Variants in AHI1 observed in about 807,000 individuals in gnomAD.
AHI1 encodes Abelson helper integration site 1, also known as jouberin.
Under a neutral mutation model 149.3 loss-of-function variants are expected in AHI1, and 123 were observed. The observed-to-expected ratio is 0.82, with a 90% CI of 0.71 to 0.96. The LOEUF (loss-of-function observed/expected upper bound fraction) is 0.96, where lower values mean the gene tolerates loss of function less well. AHI1 is among the 40% of genes least tolerant of loss of function. The pLI is 0.00. For missense variants in AHI1, 1,439 were observed against 1,422.7 expected (o/e 1.01, Z -0.18); for synonymous variants, 475 against 459.8 (o/e 1.03, Z -0.42).
At chr6:135,349,067 CT>C (rs1381506761) in intron 24 of AHI1, among the ~76,000 whole-genome samples, 2 of 152,164 alleles carry the variant, frequency 1.3e-5, no homozygotes, top group African/African-American at 4.8e-5. Context: ...AATACCTAGT[CT>C]TGAACTCCTG....
At chr6:135,350,633 A>T (rs965053229) in intron 24 of AHI1, among the ~76,000 whole-genome samples, 1 of 152,192 alleles carries the variant, frequency 6.6e-6, no homozygotes, top group Admixed American at 6.5e-5. Flanking sequence ...AAGTGTAATA[A>T]TAAAGACTAA....
intron 28 of AHI1, 82 bp from the exon 29 acceptor site, chr6:135,285,729 C>T (rs545604059): frequency 3.0e-5 from 35 of 1,166,382 alleles, no homozygotes; most frequent in Non-Finnish European, 4.4e-5. Context: ...TGTGCTCAGG[C>T]AACAGCACAG....
intron 5 of AHI1, among the ~76,000 whole-genome samples, chr6:135,487,068 G>T (rs1398470408): frequency 6.6e-6 from 1 of 152,062 alleles, no homozygotes; most frequent in Non-Finnish European, 1.5e-5. Context: ...GCCTGGTCCT[G>T]ATATTTTAAA....
intron 5 of AHI1, among the ~76,000 whole-genome samples, chr6:135,476,551 G>T (rs1227632057): frequency 1.3e-5 from 2 of 151,550 alleles, no homozygotes; most frequent in Non-Finnish European, 2.9e-5. Flanking sequence ...ACTACTTGTT[G>T]TATCAATTTC....
chr6:135,429,867 C>G lies in AHI1; in HGVS notation c.2492+15G>C. ...TCTGTGAGTACTTATCCTGTCAACACTGAAATATACTTACATCCGGAGATC... is the reference window on the plus strand; with the variant it reads ...TCTGTGAGTACTTATCCTGTCAACAGTGAAATATACTTACATCCGGAGATC... On this transcript the variant is annotated intron_variant, in intron 18 of 28. Coordinates refer to ENST00000265602, the MANE Select transcript of AHI1 (RefSeq NM_001134831.2). The G allele has an allele frequency of 7.0e-7, 1 of 1,426,044 alleles. No homozygotes were observed. Among genetic ancestry groups the G allele is most frequent in the Non-Finnish European group, 9.7e-7 (1 of 1,030,676 alleles). The allele number at this position is 1,426,044 out of a possible 1,614,324, so 88.3% of individuals were successfully genotyped here.
At chr6:135,287,735 T>G (rs1280096247) in intron 28 of AHI1, among the ~76,000 whole-genome samples, 2 of 152,346 alleles carry the variant, frequency 1.3e-5, no homozygotes, top group East Asian at 3.9e-4. Flanking sequence ...AGCAAGCTTA[T>G]GAAAACAAGT....
chr6:135,469,395 T>C (rs1437561788), intron 5 of AHI1, among the ~76,000 whole-genome samples: 1 of 152,112 alleles, frequency 6.6e-6, no homozygotes, highest in Non-Finnish European at 1.5e-5. Flanking sequence ...TCCACAGTCA[T>C]ACTGCCCAAA....
intron 9 of AHI1, 103 bp from the exon 10 acceptor site, chr6:135,456,029 C>T (rs2128078008): frequency 1.4e-6 from 1 of 708,472 alleles, no homozygotes; most frequent in East Asian, 3.2e-5. Flanking sequence ...AATGAATAGT[C>T]ATAATAATAC....
chr6:135,447,143 G>A lies in AHI1; in HGVS notation c.1644C>T (p.Arg548=). The change falls in exon 13 of 29, where the codon CGC becomes CGT. Residue 548 remains arginine, a synonymous_variant. Transcript: ENST00000265602. ...KVPDCIKPSY[R]SMMALQEEKG... ...TTTCCTCCTGAAGAGCCATCATAGA[G>A]CGGTAAGATGGCTTTATCTAAATAT... The A allele has an allele frequency of 6.3e-7, 1 of 1,575,354 alleles. No homozygotes were observed.
intron 24 of AHI1, among the ~76,000 whole-genome samples, chr6:135,344,454 T>C (rs1790862832): frequency 1.3e-5 from 2 of 151,470 alleles, no homozygotes; most frequent in South Asian, 2.1e-4. Context: ...TTATATACTA[T>C]ATGCCTGGTA....
chr6:135,401,480 C>T (rs1353234408), intron 22 of AHI1, among the ~76,000 whole-genome samples: 2 of 152,082 alleles, frequency 1.3e-5, no homozygotes, highest in Non-Finnish European at 2.9e-5. Context: ...ATGTAACGGA[C>T]ACTTGGGAAA....
chr6:135,287,589 G>T (rs1430598263), intron 28 of AHI1, among the ~76,000 whole-genome samples: 1 of 152,156 alleles, frequency 6.6e-6, no homozygotes, highest in African/African-American at 2.4e-5. Flanking sequence ...CTAACCAAAA[G>T]ACAAGGATAA....
intron 24 of AHI1, among the ~76,000 whole-genome samples, chr6:135,336,145 T>G (rs912500567): frequency 6.6e-6 from 1 of 151,536 alleles, no homozygotes; most frequent in Admixed American, 6.6e-5. Context: ...AATTCCATAT[T>G]TATAAATACA....
intron 26 of AHI1, among the ~76,000 whole-genome samples, chr6:135,317,732 GCTGA>G (rs1360527693): frequency 3.3e-5 from 5 of 152,082 alleles, no homozygotes; most frequent in African/African-American, 7.2e-5. Context: ...AATAAAACAT[GCTGA>G]CTGACTGAAT....
chr6:135,466,199 GT>G lies in AHI1; in HGVS notation c.363del (p.Lys121AsnfsTer9). ...PNGDASVEED[K>X]QGKPNKKVIK... ...ATCACCTTTTTATTTGGCTTTCCTT[GT>G]TTGTCTTCCTCTACACTAGCATCAC... On this transcript the variant is annotated frameshift_variant, in exon 7 of 29. Coordinates refer to ENST00000265602, the MANE Select transcript of AHI1 (RefSeq NM_001134831.2). LOFTEE classifies it high-confidence loss of function. The G allele has an allele frequency of 6.2e-7, 1 of 1,613,772 alleles. No individual in the cohort carries two copies. The highest frequency in any genetic ancestry group is 1.3e-5 in the African/African-American group (1 of 75,008).
intron 23 of AHI1, among the ~76,000 whole-genome samples, chr6:135,376,961 C>G (rs538504347): frequency 8.3e-6 from 1 of 120,794 alleles, no homozygotes; most frequent in Non-Finnish European, 1.7e-5. Context: ...TCATAACAAC[C>G]AAAGAAAGAT....
chr6:135,448,904 T>G, intron 11 of AHI1, among the ~76,000 whole-genome samples: 1 of 152,356 alleles, frequency 6.6e-6, no homozygotes, highest in Non-Finnish European at 1.5e-5. Flanking sequence ...TTTAAATTTT[T>G]AAAAAGTTAA....
At chr6:135,440,493 T>C (rs1317477630) in intron 14 of AHI1, among the ~76,000 whole-genome samples, 2 of 151,984 alleles carry the variant, frequency 1.3e-5, no homozygotes, top group African/African-American at 4.8e-5. Flanking sequence ...TCCATGTATG[T>C]GAAGGGAATA....
intron 24 of AHI1, among the ~76,000 whole-genome samples, chr6:135,347,099 T>C (rs1791350512): frequency 6.6e-6 from 1 of 152,218 alleles, no homozygotes; most frequent in South Asian, 2.1e-4. Context: ...TTTTAGAAAT[T>C]GGCTTTCTTA....
Sources: allele counts gnomAD v4.1 joint callset (sites outside exome capture counted in the v4.1 genomes callset), GRCh38; gene constraint gnomAD v4.1.1; transcripts MANE v1.5; gene names NCBI Gene and HGNC (gene_info 2026-07-23, HGNC 2026-07-21).